Variants in OPN3 observed in about 807,000 individuals in gnomAD.
OPN3 encodes the protein opsin-3.
OPN3 carries 29 observed loss-of-function variants against 33.8 expected under a neutral mutation model. That is an observed-to-expected ratio of 0.86 (90% CI 0.64 to 1.17). The LOEUF is 1.17. Among genes scored for constraint, OPN3 ranks in the 50% most tolerant of loss-of-function variants. The probability of loss-of-function intolerance (pLI) is 0.00; values close to 1 mark genes in which losing one functional copy is unlikely to be tolerated. For missense variants in OPN3, 437 were observed against 514.1 expected, an observed-to-expected ratio of 0.85 and a Z score of 1.45; for synonymous variants, 216 against 216.1, an observed-to-expected ratio of 1.00 and a Z score of 0.00.
intron 1 of OPN3, chr1:241,631,722 T>C (rs1664640273): frequency 6.6e-6 from 1 of 152,148 alleles, no homozygotes; most frequent in Non-Finnish European, 1.5e-5. Context: ...CAAATTCTGC[T>C]TCGAGATCCA....
intron 2 of OPN3, among the ~76,000 whole-genome samples, chr1:241,601,655 G>A (rs969617825): frequency 1.3e-5 from 2 of 152,124 alleles, no homozygotes; most frequent in Non-Finnish European, 2.9e-5. Context: ...GCAGTGAGCC[G>A]AGATTCTGCC....
chr1:241,618,160 G>A (rs894857730), intron 1 of OPN3, among the ~76,000 whole-genome samples: 1 of 152,166 alleles, frequency 6.6e-6, no homozygotes, highest in African/African-American at 2.4e-5. Flanking sequence ...CTTCCACACT[G>A]TCAAATTGGG....
rs371413045 is a variant in OPN3, at chr1:241,625,179, A to T, written c.373+14703T>A. Among the ~76,000 whole-genome samples, 39 of 152,284 alleles carry T rather than the reference A, an allele frequency of 2.6e-4. No homozygotes were observed. The East Asian group carries it at 5.8e-3, about 23-fold the overall frequency. ...CATACTGACTCATTCCATTGCAATT[A>T]AGTATTTTCTATAGTTAACACCCAT... On this transcript the variant is annotated intron_variant, in intron 1 of 3. Coordinates refer to ENST00000366554, the MANE Select transcript of OPN3 (RefSeq NM_014322.3).
intron 1 of OPN3, among the ~76,000 whole-genome samples, chr1:241,626,846 A>G (rs587640): frequency 0.68 from 103,905 of 152,068 alleles, 35,674 homozygotes; most frequent in East Asian, 0.78. Context: ...TATATGATGT[A>G]TAATAAAAAG....
At chr1:241,626,821 C>G (rs1323483219) in intron 1 of OPN3, among the ~76,000 whole-genome samples, 1 of 152,272 alleles carries the variant, frequency 6.6e-6, no homozygotes, top group African/African-American at 2.4e-5. Flanking sequence ...CAATAGAGAA[C>G]TCAAGGGCTT....
intron 1 of OPN3, among the ~76,000 whole-genome samples, chr1:241,611,133 T>A (rs999297017): frequency 6.6e-6 from 1 of 152,130 alleles, no homozygotes; most frequent in African/African-American, 2.4e-5. Context: ...TAATACAAGG[T>A]GTGTTTATCA....
Position 241,604,545 on chromosome 1 carries a change from G to A in OPN3, c.408C>T (p.Ala136=). 1.2e-6 allele frequency: 2 copies of A among 1,613,344 alleles called. No homozygotes were observed. ...GGACCACGCGAATGTAACGTTCATAGGCCAGCACGGTTAGGGTGGCAATGG... is the reference window on the plus strand; with the variant it reads ...GGACCACGCGAATGTAACGTTCATAAGCCAGCACGGTTAGGGTGGCAATGG... ...IVSIATLTVL[A]YERYIRVVHA... The change falls in exon 2 of 4, where the codon GCC becomes GCT. Residue 136 remains alanine (A), a synonymous_variant. Transcript: ENST00000366554.
At chr1:241,601,547 A>G (rs45525836) in intron 2 of OPN3, among the ~76,000 whole-genome samples, 33,559 of 151,894 alleles carry the variant, frequency 0.22, 3,865 homozygotes, top group Non-Finnish European at 0.26. Flanking sequence ...TACTAAAAAT[A>G]TTTTAAAAAT....
intron 1 of OPN3, among the ~76,000 whole-genome samples, chr1:241,627,336 T>C (rs1332982415): frequency 8.5e-5 from 13 of 152,222 alleles, no homozygotes; most frequent in Admixed American, 8.5e-4. Context: ...ATGTGTTACA[T>C]ATTCTTACAT....
chr1:241,635,853 TC>T (rs1215078835), intron 1 of OPN3: 2 of 1,333,868 alleles, frequency 1.5e-6, no homozygotes, highest in Non-Finnish European at 2.1e-6. Flanking sequence ...CTTCTGATGT[TC>T]CAGTTATCCC....
chr1:241,620,213 C>G (rs1664238594), intron 1 of OPN3, among the ~76,000 whole-genome samples: 1 of 151,074 alleles, frequency 6.6e-6, no homozygotes, highest in Admixed American at 6.6e-5. Context: ...ATTATAAACC[C>G]TAGAGCAGCA....
chr1:241,638,052 A>G (rs1664967292), intron 1 of OPN3, among the ~76,000 whole-genome samples: 1 of 152,154 alleles, frequency 6.6e-6, no homozygotes, highest in Admixed American at 6.5e-5. Context: ...TTCGCTAAAA[A>G]CTTTTTAAAC....
At chr1:241,623,473 C>A (rs185544512) in intron 1 of OPN3, among the ~76,000 whole-genome samples, 1 of 152,246 alleles carries the variant, frequency 6.6e-6, no homozygotes, top group African/African-American at 2.4e-5. Flanking sequence ...TTATTTAATA[C>A]CATTAGGTGC....
intron 1 of OPN3, chr1:241,635,427 C>T: frequency 4.3e-6 from 7 of 1,614,010 alleles, no homozygotes; most frequent in Non-Finnish European, 5.9e-6. Context: ...CCAATCTCTT[C>T]AACGTTGTCC....
chr1:241,634,335 T>C, intron 1 of OPN3: 1 of 1,614,020 alleles, frequency 6.2e-7, no homozygotes. Flanking sequence ...GGAGGAACTA[T>C]CAGAATGGAA....
chr1:241,605,067 A>AAAAT (rs1553354029), intron 1 of OPN3, among the ~76,000 whole-genome samples: 5 of 90,946 alleles, frequency 5.5e-5, no homozygotes, highest in East Asian at 5.6e-4. Flanking sequence ...AAAAAAAAAA[A>AAAAT]AATAAAATAA....
At position 241,605,570 on chromosome 1, in the gene OPN3, A is replaced by G. The variant is rs555964122; in HGVS notation, c.374-991T>C. On this transcript the variant is annotated intron_variant, in intron 1 of 3. Coordinates refer to ENST00000366554, the MANE Select transcript of OPN3 (RefSeq NM_014322.3). ...CTATGTGCCAGGCACTGTGCAGTGG[A>G]TGGCCCATGGTGACTAAGAGACAGA... is the stretch of plus-strand genomic sequence containing the variant. 3.3e-5 allele frequency among the ~76,000 whole-genome samples: 5 copies of G among 152,368 alleles called. No individual in the cohort carries two copies. In the East Asian group the frequency reaches 9.6e-4, roughly 29 times the overall value.
At chr1:241,626,160 C>T (rs1244634011) in intron 1 of OPN3, among the ~76,000 whole-genome samples, 5 of 152,106 alleles carry the variant, frequency 3.3e-5, no homozygotes, top group Admixed American at 1.3e-4. Flanking sequence ...ACTATGATTG[C>T]GATATATTTT....
chr1:241,616,570 G>T (rs1208177893), intron 1 of OPN3, among the ~76,000 whole-genome samples: 1 of 151,858 alleles, frequency 6.6e-6, no homozygotes, highest in Non-Finnish European at 1.5e-5. Context: ...ACTTAAGTAT[G>T]TCTTTGTATT....
Sources: gnomAD v4.1 joint callset for allele counts (sites outside exome capture counted in the v4.1 genomes callset) on GRCh38, gnomAD v4.1.1 for gene constraint, MANE v1.5 for transcripts, NCBI Gene and HGNC (gene_info 2026-07-23, HGNC 2026-07-21) for gene names.